The following KIAA1549L variants were observed in gnomAD, a reference collection of about 807,000 sequenced individuals.
The protein encoded by KIAA1549L is UPF0606 protein KIAA1549L.
In KIAA1549L, 88 loss-of-function variants were observed where a neutral mutation model predicts 160.7. The ratio of observed to expected loss-of-function variants is 0.55; its 90% CI spans 0.46 to 0.65. The LOEUF is 0.65. KIAA1549L is among the 30% of genes least tolerant of loss of function. KIAA1549L has a pLI of 0.00. For synonymous variants in KIAA1549L, 950 were observed against 976.7 expected (o/e 0.97, Z 0.51); for missense variants, 2,258 against 2,437.5 (o/e 0.93, Z 1.55).
chr11:33,606,549 A>G, intron 13 of KIAA1549L, 92 bp from the exon 14 acceptor site: 1 of 1,277,186 alleles, frequency 7.8e-7, no homozygotes, highest in Non-Finnish European at 1.1e-6. Flanking sequence ...TGAGTAAAGT[A>G]ATGTCCTTAG....
chr11:33,409,584 A>T (rs192271240), intron 1 of KIAA1549L, among the ~76,000 whole-genome samples: 1 of 152,330 alleles, frequency 6.6e-6, no homozygotes, highest in African/African-American at 2.4e-5. Flanking sequence ...ACAGGAAATC[A>T]GTGAAGATCA....
intron 1 of KIAA1549L, among the ~76,000 whole-genome samples, chr11:33,433,142 G>A (rs1235300292): frequency 6.6e-6 from 1 of 152,198 alleles, no homozygotes; most frequent in Non-Finnish European, 1.5e-5. Flanking sequence ...GATCATCAGA[G>A]TGAATAGGCA....
chr11:33,618,747 T>C, intron 16 of KIAA1549L, 85 bp downstream of exon 16: 1 of 1,239,770 alleles, frequency 8.1e-7, no homozygotes, highest in Non-Finnish European at 1.1e-6. Flanking sequence ...TGTTTTGGTT[T>C]ACCACATATT....
At chr11:33,401,687 C>T (rs1005915842) in intron 1 of KIAA1549L, among the ~76,000 whole-genome samples, 9 of 152,218 alleles carry the variant, frequency 5.9e-5, no homozygotes, top group Admixed American at 2.0e-4. Context: ...TCAGTCTCCT[C>T]AGTAGCTGGG....
intron 12 of KIAA1549L, 107 bp downstream of exon 12, chr11:33,591,528 C>T (rs1850053724): frequency 4.7e-6 from 4 of 854,512 alleles, no homozygotes; most frequent in African/African-American, 1.7e-5. Context: ...TAAAAATTCC[C>T]CTTCATGCTC....
intron 1 of KIAA1549L, among the ~76,000 whole-genome samples, chr11:33,495,575 C>T (rs1261830192): frequency 6.6e-5 from 10 of 152,094 alleles, no homozygotes; most frequent in Admixed American, 6.6e-5. Flanking sequence ...TGAATAATGC[C>T]GCAATAAGCA....
chr11:33,437,121 A>G (rs1366536315), intron 1 of KIAA1549L, among the ~76,000 whole-genome samples: 1 of 152,224 alleles, frequency 6.6e-6, no homozygotes, highest in Non-Finnish European at 1.5e-5. Context: ...ATATTCTCAG[A>G]TGAGTTGGCC....
chr11:33,478,300 G>A (rs998509664), intron 1 of KIAA1549L, among the ~76,000 whole-genome samples: 16 of 152,332 alleles, frequency 1.1e-4, no homozygotes, highest in African/African-American at 3.8e-4. Flanking sequence ...AGCCTGACAA[G>A]CATGCCTGGC....
chr11:33,451,795 C>T (rs925826202), intron 1 of KIAA1549L, among the ~76,000 whole-genome samples: 1 of 152,210 alleles, frequency 6.6e-6, no homozygotes, highest in Non-Finnish European at 1.5e-5. Context: ...GAACCTTTCT[C>T]CCCCTTGAAC....
At chr11:33,563,391 C>T (rs1212404726) in intron 8 of KIAA1549L, among the ~76,000 whole-genome samples, 2 of 150,660 alleles carry the variant, frequency 1.3e-5, no homozygotes, top group South Asian at 2.1e-4. Flanking sequence ...GGGGGACACA[C>T]GTCAGCCTGT....
intron 11 of KIAA1549L, among the ~76,000 whole-genome samples, chr11:33,590,991 C>T (rs1850035905): frequency 6.6e-6 from 1 of 152,204 alleles, no homozygotes; most frequent in Non-Finnish European, 1.5e-5. Context: ...CACCTGTTTA[C>T]ATGTTGTTTA....
chr11:33,404,071 C>T (rs531793421), intron 1 of KIAA1549L, among the ~76,000 whole-genome samples: 7 of 152,128 alleles, frequency 4.6e-5, no homozygotes, highest in Non-Finnish European at 1.0e-4. Context: ...CTGTGTCAGA[C>T]GTCTGACATG....
At chr11:33,630,589 C>T (rs1344716940) in intron 16 of KIAA1549L, among the ~76,000 whole-genome samples, 1 of 152,362 alleles carries the variant, frequency 6.6e-6, no homozygotes, top group East Asian at 1.9e-4. Context: ...AAGGGAACTC[C>T]CTGACCCTTT....
chr11:33,579,856 G>A (rs1213225787), intron 10 of KIAA1549L, among the ~76,000 whole-genome samples: 2 of 152,132 alleles, frequency 1.3e-5, no homozygotes, highest in African/African-American at 2.4e-5. Context: ...CGAAGATAAG[G>A]CCAATGAAGG....
At chr11:33,484,720 A>G (rs761275378) in intron 1 of KIAA1549L, among the ~76,000 whole-genome samples, 1 of 152,144 alleles carries the variant, frequency 6.6e-6, no homozygotes, top group Non-Finnish European at 1.5e-5. Flanking sequence ...TAGGTTTTCC[A>G]TGGTTGTGTA....
chr11:33,420,742 T>C (rs1321681024), intron 1 of KIAA1549L, among the ~76,000 whole-genome samples: 1 of 152,198 alleles, frequency 6.6e-6, no homozygotes, highest in East Asian at 1.9e-4. Context: ...ACTGCAACTC[T>C]GCAGTTTTGT....
At chr11:33,410,913 C>A (rs1850772711) in intron 1 of KIAA1549L, among the ~76,000 whole-genome samples, 1 of 152,166 alleles carries the variant, frequency 6.6e-6, no homozygotes, top group Non-Finnish European at 1.5e-5. Flanking sequence ...GCAGGACCAG[C>A]CTGCTCTGGG....
At chr11:33,647,041 T>A (rs1851742337) in intron 17 of KIAA1549L, among the ~76,000 whole-genome samples, 1 of 152,166 alleles carries the variant, frequency 6.6e-6, no homozygotes, top group Non-Finnish European at 1.5e-5. Context: ...AATGAGTTGG[T>A]GTATGTAAGG....
chr11:33,580,070 C>T (rs931959322), intron 10 of KIAA1549L, among the ~76,000 whole-genome samples: 5 of 152,146 alleles, frequency 3.3e-5, no homozygotes, highest in African/African-American at 1.2e-4. Flanking sequence ...CATGCAGTGC[C>T]CACGTGACTC....
Sources: gnomAD v4.1 joint callset for allele counts (sites outside exome capture counted in the v4.1 genomes callset) on GRCh38, gnomAD v4.1.1 for gene constraint, MANE v1.5 for transcripts, NCBI Gene and HGNC (gene_info 2026-07-23, HGNC 2026-07-21) for gene names.